The following MAMDC2 variants were observed in gnomAD, a reference collection of about 807,000 sequenced individuals.
MAMDC2 encodes MAM domain containing 2.
A neutral mutation model predicts 89.8 loss-of-function variants in MAMDC2; 57 were observed. The ratio of observed to expected loss-of-function variants is 0.63; its 90% CI spans 0.51 to 0.79. MAMDC2 has a LOEUF of 0.79. MAMDC2 is among the 30% of genes least tolerant of loss of function. MAMDC2 has a pLI of 0.00. For missense variants in MAMDC2, 800 were observed against 820.6 expected (o/e 0.97, Z 0.31); for synonymous variants, 313 against 293.4 (o/e 1.07, Z -0.68).
At chr9:70,067,607 C>A (rs1827298231) in intron 2 of MAMDC2, among the ~76,000 whole-genome samples, 1 of 152,202 alleles carries the variant, frequency 6.6e-6, no homozygotes, top group Admixed American at 6.5e-5. Flanking sequence ...CAAGCTCTTT[C>A]ATCTGAAAAG....
intron 2 of MAMDC2, chr9:70,093,656 T>A (rs545947439): frequency 6.6e-6 from 1 of 152,042 alleles, no homozygotes; most frequent in Non-Finnish European, 1.5e-5. Flanking sequence ...GGTTTTGAAC[T>A]CCTGACCTCA....
chr9:70,152,490 C>T (rs1413204815), intron 9 of MAMDC2, among the ~76,000 whole-genome samples: 1 of 152,076 alleles, frequency 6.6e-6, no homozygotes, highest in Non-Finnish European at 1.5e-5. Flanking sequence ...CATTGTTCAG[C>T]ATTACACAGC....
intron 2 of MAMDC2, chr9:70,085,950 T>A (rs1010418177): frequency 1.3e-5 from 2 of 152,132 alleles, no homozygotes; most frequent in South Asian, 4.1e-4. Context: ...TAGTTTATTA[T>A]CTTTCAACAT....
At chr9:70,094,335 C>G (rs1208728892) in intron 2 of MAMDC2, among the ~76,000 whole-genome samples, 4 of 152,214 alleles carry the variant, frequency 2.6e-5, no homozygotes, top group African/African-American at 9.6e-5. Flanking sequence ...AACTATAGCT[C>G]TCTTTAATCT....
intron 9 of MAMDC2, 119 bp downstream of exon 9, chr9:70,143,938 C>A: frequency 8.4e-7 from 1 of 1,197,366 alleles, no homozygotes; most frequent in Non-Finnish European, 1.2e-6. Context: ...GGCCTACGGC[C>A]TCACCCTTAC....
At chr9:70,158,760 T>A (rs1329365747) in intron 9 of MAMDC2, among the ~76,000 whole-genome samples, 3 of 152,112 alleles carry the variant, frequency 2.0e-5, no homozygotes, top group African/African-American at 7.2e-5. Flanking sequence ...TATACAAACC[T>A]AGATGGTATA....
intron 8 of MAMDC2, among the ~76,000 whole-genome samples, chr9:70,140,923 T>C (rs2031193434): frequency 6.6e-6 from 1 of 152,222 alleles, no homozygotes; most frequent in East Asian, 1.9e-4. Flanking sequence ...GAGTGCTCCT[T>C]GTGTAGGGAT....
At chr9:70,136,428 T>C (rs2031014276) in intron 7 of MAMDC2, among the ~76,000 whole-genome samples, 1 of 152,236 alleles carries the variant, frequency 6.6e-6, no homozygotes, top group African/African-American at 2.4e-5. Context: ...ACAGTTTATG[T>C]ATCTACTCAC....
chr9:70,090,102 TA>T (rs1292969019), intron 2 of MAMDC2, among the ~76,000 whole-genome samples: 4 of 144,426 alleles, frequency 2.8e-5, no homozygotes, highest in African/African-American at 1.0e-4. Context: ...ACAACCCAAT[TA>T]AAAAAATAGG....
chr9:70,086,785 A>G (rs928782531), intron 2 of MAMDC2: 2 of 152,130 alleles, frequency 1.3e-5, no homozygotes, highest in Admixed American at 6.6e-5. Context: ...GCCCCAGCTG[A>G]GCCTTGATTC....
At chr9:70,102,082 T>C (rs1050058473) in intron 2 of MAMDC2, among the ~76,000 whole-genome samples, 1 of 151,646 alleles carries the variant, frequency 6.6e-6, no homozygotes, top group African/African-American at 2.4e-5. Flanking sequence ...GAAAAACATA[T>C]TTCGTATGTG....
At chr9:70,224,481 G>A (rs10868741) in intron 12 of MAMDC2, among the ~76,000 whole-genome samples, 119,201 of 152,070 alleles carry the variant, frequency 0.78, 46,857 homozygotes, top group Admixed American at 0.83. Context: ...AGAACCTAGG[G>A]TGCCACTGGT....
At chr9:70,193,119 C>T (rs1587557993) in intron 11 of MAMDC2, among the ~76,000 whole-genome samples, 1 of 152,198 alleles carries the variant, frequency 6.6e-6, no homozygotes, top group South Asian at 2.1e-4. Context: ...AGGAGCCTGA[C>T]TGAAGTTCAG....
At chr9:70,153,554 G>A (rs770181486) in intron 9 of MAMDC2, 7 of 152,156 alleles carry the variant, frequency 4.6e-5, no homozygotes, top group Non-Finnish European at 7.4e-5. Context: ...GGAGGAACTC[G>A]ATATTGTGTT....
intron 11 of MAMDC2, among the ~76,000 whole-genome samples, chr9:70,182,908 T>C (rs900661772): frequency 5.3e-5 from 8 of 152,200 alleles, no homozygotes; most frequent in African/African-American, 1.9e-4. Context: ...ATTTGTTTGC[T>C]CTTGCTTGTC....
intron 12 of MAMDC2, among the ~76,000 whole-genome samples, chr9:70,222,817 G>C (rs536408537): frequency 6.6e-6 from 1 of 152,070 alleles, no homozygotes; most frequent in Non-Finnish European, 1.5e-5. Flanking sequence ...ACAGTTACTA[G>C]GAATTTCTAT....
chr9:70,163,820 G>A (rs12377677), intron 9 of MAMDC2, among the ~76,000 whole-genome samples: 129,738 of 151,390 alleles, frequency 0.86, 55,830 homozygotes, highest in East Asian at 0.96. Context: ...CGGGTGTGGT[G>A]GTGCACGCCT....
rs34543592 is a variant in MAMDC2, at chr9:70,093,422, G to GTT, written c.149-14773_149-14772dup. Among the ~76,000 whole-genome samples the GTT allele has an allele frequency of 1.3e-3, 175 of 137,562 alleles. 1 individual carries two copies. Among genetic ancestry groups the GTT allele is most frequent in the African/African-American group, 3.0e-3 (113 of 37,066 alleles). 90.2% of individuals were successfully genotyped at this position (137,562 alleles called of 152,430 possible). ...CACATGTATTTTAAATACAGGGACA[G>GTT]TTTTTTTTTTTTTTTTTCTTCAGAT... On this transcript the variant is annotated intron_variant, in intron 2 of 13. Coordinates refer to ENST00000377182, the MANE Select transcript of MAMDC2 (RefSeq NM_153267.5).
intron 11 of MAMDC2, among the ~76,000 whole-genome samples, chr9:70,207,492 GTTAAT>G (rs1319829195): frequency 6.6e-6 from 1 of 150,614 alleles, no homozygotes; most frequent in Non-Finnish European, 1.5e-5. Context: ...TTTTTTTCTT[GTTAAT>G]TTGTTTTAAG....
Sources: gnomAD v4.1 joint callset for allele counts (sites outside exome capture counted in the v4.1 genomes callset) on GRCh38, gnomAD v4.1.1 for gene constraint, MANE v1.5 for transcripts, NCBI Gene and HGNC (gene_info 2026-07-23, HGNC 2026-07-21) for gene names.